TNN: variants seen among roughly 807,000 people sequenced by gnomAD.
TNN encodes the protein tenascin-N.
A neutral mutation model predicts 134.4 loss-of-function variants in TNN; 122 were observed. The observed-to-expected ratio is 0.91, with a 90% CI of 0.78 to 1.06. The LOEUF is 1.06. Ranked by LOEUF, TNN falls within the 50% of genes least tolerant of loss-of-function variation. The pLI is 0.00. For synonymous variants in TNN, 710 were observed against 670.3 expected, an observed-to-expected ratio of 1.06 and a Z score of -0.91; for missense variants, 1,739 against 1,699.4, an observed-to-expected ratio of 1.02 and a Z score of -0.41.
rs1574150670 is a variant in TNN, at chr1:175,096,867, G to C, written c.1589-550G>C. Among the ~76,000 whole-genome samples, 3 of 152,254 alleles carry C rather than the reference G, an allele frequency of 2.0e-5. No homozygotes were observed. In the South Asian group the frequency reaches 6.2e-4, roughly 32 times the overall value. ...GGTTCTAACCCACTTTAATCACAGA[G>C]AAACCCAGACAGATTCTACAAGTTT... is the stretch of plus-strand genomic sequence containing the variant. On this transcript the variant is annotated intron_variant, in intron 7 of 18. Coordinates refer to ENST00000239462, the MANE Select transcript of TNN (RefSeq NM_022093.2).
At chr1:175,093,591 G>A (rs1674500923) in intron 6 of TNN, among the ~76,000 whole-genome samples, 1 of 152,116 alleles carries the variant, frequency 6.6e-6, no homozygotes, top group Admixed American at 6.5e-5. Flanking sequence ...GAACAGGGGA[G>A]GTGATGTTGT....
chr1:175,097,406 C>T lies in TNN; in HGVS notation c.1589-11C>T. The stretch of plus-strand genomic sequence containing the variant: ...TAAAGGCTACATTCTTCTTTCATCT[C>T]TCTCTTAAAGAAATTGACAGCCCAG... On this transcript the variant is annotated splice_polypyrimidine_tract_variant and intron_variant, in intron 7 of 18. Transcript: ENST00000239462. 2 of 1,613,996 alleles carry T rather than the reference C, an allele frequency of 1.2e-6. No homozygotes were observed. The highest frequency in any genetic ancestry group is 1.7e-4 in the Middle Eastern group (1 of 6,060).
chr1:175,111,055 C>G (rs987780616), intron 9 of TNN, among the ~76,000 whole-genome samples: 34 of 151,214 alleles, frequency 2.2e-4, no homozygotes, highest in Middle Eastern at 3.2e-3. Flanking sequence ...CGGTAGCTCA[C>G]GCCTGTAATC....
At chr1:175,112,535 G>A (rs957329649) in intron 9 of TNN, among the ~76,000 whole-genome samples, 3 of 139,866 alleles carry the variant, frequency 2.1e-5, no homozygotes, top group Non-Finnish European at 4.6e-5. Flanking sequence ...ACAGGTGAAG[G>A]AAGATTCTTG....
At chr1:175,099,164 T>C (rs1475586279) in intron 9 of TNN, among the ~76,000 whole-genome samples, 1 of 152,206 alleles carries the variant, frequency 6.6e-6, no homozygotes, top group Non-Finnish European at 1.5e-5. Flanking sequence ...TCTCTCGACT[T>C]GGGCCACCTG....
chr1:175,090,485 G>T (rs1338731747), intron 6 of TNN, among the ~76,000 whole-genome samples: 1 of 152,064 alleles, frequency 6.6e-6, no homozygotes, highest in African/African-American at 2.4e-5. Flanking sequence ...ATTTCTCATA[G>T]ATTTTTCATC....
Position 175,147,241 on chromosome 1 carries a change from T to C in TNN, c.*170T>C. 1.7e-6 allele frequency: 1 copy of C among 594,048 alleles called. No homozygotes were observed. The highest frequency in any genetic ancestry group is 2.6e-6 in the Non-Finnish European group (1 of 381,008). 36.8% of individuals were successfully genotyped at this position (594,048 alleles called of 1,614,324 possible). On this transcript the variant is annotated 3_prime_UTR_variant, in exon 19 of 19. Transcript: ENST00000239462. ...TCCCTCTCACCTGCATTTTTGCCCG[T>C]CTTTATGAGGGTCTTGAAAATCAAA...
intron 6 of TNN, among the ~76,000 whole-genome samples, chr1:175,088,816 C>T (rs772479008): frequency 6.6e-6 from 1 of 152,200 alleles, no homozygotes; most frequent in Non-Finnish European, 1.5e-5. Context: ...TGGTCCTTTT[C>T]CTTCAGGGGA....
intron 9 of TNN, among the ~76,000 whole-genome samples, chr1:175,112,450 T>A (rs1208319951): frequency 3.3e-5 from 5 of 152,088 alleles, no homozygotes; most frequent in Admixed American, 2.0e-4. Context: ...GCATAGCTAC[T>A]CCTGTTTGCT....
intron 5 of TNN, among the ~76,000 whole-genome samples, chr1:175,085,169 G>C (rs936444099): frequency 6.6e-6 from 1 of 152,234 alleles, no homozygotes; most frequent in Non-Finnish European, 1.5e-5. Context: ...TTCAATTGCT[G>C]TCATCTCATT....
At chr1:175,069,737 G>A (rs991709826) in intron 1 of TNN, among the ~76,000 whole-genome samples, 1 of 152,198 alleles carries the variant, frequency 6.6e-6, no homozygotes, top group African/African-American at 2.4e-5. Flanking sequence ...GGATGGACAG[G>A]GACTTTGCTG....
At position 175,080,397 on chromosome 1, in the gene TNN, G is replaced by A. The variant is rs1674173310; in HGVS notation, c.1019G>A (p.Ser340Asn). The A allele has an allele frequency of 6.2e-7, 1 of 1,613,974 alleles. No individual in the cohort carries two copies. The highest frequency in any genetic ancestry group is 8.5e-7 in the Non-Finnish European group (1 of 1,179,996). ...TLRNVKNEVS[S>N]SPQHLLATTD... ...CGTAACGTCAAGAATGAAGTTTCTA[G>A]CAGCCCACAGCATCTACTTGCCACC... Residue 340 changes from serine to asparagine, a missense_variant, in exon 4 of 19, where the codon AGC becomes AAC. By Grantham distance (46) the Ser-to-Asn change is conservative. Coordinates refer to ENST00000239462, the MANE Select transcript of TNN (RefSeq NM_022093.2).
rs1461301908 is a variant in TNN at position 175,083,945 on chromosome 1, A to G, written c.1234+10A>G. The G allele has an allele frequency of 1.2e-6, 2 of 1,613,184 alleles. No homozygotes were observed. Among genetic ancestry groups the G allele is most frequent in the Non-Finnish European group, 1.7e-6 (2 of 1,179,586 alleles). On this transcript the variant is annotated intron_variant, in intron 5 of 18. Coordinates refer to ENST00000239462, the MANE Select transcript of TNN (RefSeq NM_022093.2). ...CGATATGACATCACTGGTAAGAGCC[A>G]TCACTGGAATGTGAGATGTATGCTG... is the stretch of plus-strand genomic sequence containing the variant.
At chr1:175,111,274 C>T (rs570570425) in intron 9 of TNN, among the ~76,000 whole-genome samples, 3 of 151,888 alleles carry the variant, frequency 2.0e-5, no homozygotes, top group African/African-American at 7.2e-5. Flanking sequence ...GCCAAGATCA[C>T]ACCATTGCAC....
chr1:175,092,326 A>G (rs1325172268), intron 6 of TNN, among the ~76,000 whole-genome samples: 1 of 152,250 alleles, frequency 6.6e-6, no homozygotes, highest in Non-Finnish European at 1.5e-5. Context: ...GGCCCTGGCC[A>G]TGGGGTCAGA....
intron 6 of TNN, among the ~76,000 whole-genome samples, chr1:175,085,701 C>G (rs182057799): frequency 6.6e-6 from 1 of 151,970 alleles, no homozygotes; most frequent in Non-Finnish European, 1.5e-5. Context: ...ATGGAGAAAC[C>G]CTGTCTCTAC....
At position 175,147,189 on chromosome 1, in the gene TNN, A is replaced by C; in HGVS notation, c.*118A>C. The C allele has an allele frequency of 2.8e-6, 3 of 1,068,864 alleles. No homozygotes were observed. The highest frequency in any genetic ancestry group is 3.7e-6 in the Non-Finnish European group (3 of 807,208). The allele number at this position is 1,068,864 out of a possible 1,614,324, so 66.2% of individuals were successfully genotyped here. Reference sequence around the variant, plus strand: ...GATAGCCCGCAGAACAAATCATGTCACCAAGCTTCAAGCCATGGAGGTTCC... The same window carrying C: ...GATAGCCCGCAGAACAAATCATGTCCCCAAGCTTCAAGCCATGGAGGTTCC... On this transcript the variant is annotated 3_prime_UTR_variant, in exon 19 of 19. Coordinates refer to ENST00000239462, the MANE Select transcript of TNN (RefSeq NM_022093.2).
chr1:175,083,618 T>C, intron 4 of TNN, 132 bp from the exon 5 acceptor site: 1 of 766,014 alleles, frequency 1.3e-6, no homozygotes, highest in Non-Finnish European at 2.1e-6. Context: ...TGCTAAGAAC[T>C]GTGTCCTGGG....
At chr1:175,097,280 C>A in intron 7 of TNN, 137 bp from the exon 8 acceptor site, 2 of 1,127,700 alleles carry the variant, frequency 1.8e-6, no homozygotes, top group Non-Finnish European at 2.5e-6. Context: ...CTTAATTAGA[C>A]CTTTACATTA....
Sources: gnomAD v4.1 joint callset for allele counts (sites outside exome capture counted in the v4.1 genomes callset) on GRCh38, gnomAD v4.1.1 for gene constraint, MANE v1.5 for transcripts, NCBI Gene and HGNC (gene_info 2026-07-23, HGNC 2026-07-21) for gene names.